Variants in VPS50 observed in about 807,000 individuals in gnomAD.
VPS50 encodes the protein syndetin.
In VPS50, 70 loss-of-function variants were observed where a neutral mutation model predicts 139.7. The ratio of observed to expected loss-of-function variants is 0.50; its 90% CI spans 0.41 to 0.61. VPS50 has a LOEUF of 0.61. Among genes scored for constraint, VPS50 ranks in the 20% least tolerant of loss-of-function variants. VPS50 has a pLI of 0.00. For missense variants in VPS50, 921 were observed against 1,133.7 expected (o/e 0.81, Z 2.69); for synonymous variants, 365 against 376.7 (o/e 0.97, Z 0.36).
intron 2 of VPS50, among the ~76,000 whole-genome samples, chr7:93,242,431 G>A (rs1301438897): frequency 6.6e-6 from 1 of 151,560 alleles, no homozygotes; most frequent in Non-Finnish European, 1.5e-5. Context: ...TTTAAAAATG[G>A]TATCATACTC....
intron 12 of VPS50, among the ~76,000 whole-genome samples, 172 bp from the exon 13 acceptor site, chr7:93,291,531 A>G (rs1307429414): frequency 1.3e-5 from 2 of 152,082 alleles, no homozygotes; most frequent in African/African-American, 2.4e-5. Flanking sequence ...TGAGATGGGA[A>G]TTATTTAAAA....
Position 93,296,780 on chromosome 7 carries a change from T to C in VPS50, c.1206T>C (p.Thr402=). Residue 402 remains threonine, a synonymous_variant, in exon 15 of 28, where the codon ACT becomes ACC. Transcript: ENST00000305866. ...AAGTAAAAACCTACTTGCTTGGAACTGATTTGTCTATATTCAAATATGATG... is the reference window on the plus strand; with the variant it reads ...AAGTAAAAACCTACTTGCTTGGAACCGATTTGTCTATATTCAAATATGATG... The part of the protein sequence containing the change: ...QLKVKTYLLG[T]DLSIFKYDDF... 6.2e-7 allele frequency: 1 copy of C among 1,606,002 alleles called. No individual in the cohort carries two copies. Among genetic ancestry groups the C allele is most frequent in the Admixed American group, 1.7e-5 (1 of 58,256 alleles).
rs996135818 is a variant in VPS50, at chr7:93,253,353, C to T, written c.226-507C>T. ...TGGTATGCATTTTTTGGTTAGTTTC[C>T]CATACTGTCCTCTGAAAGCTGATGT... On this transcript the variant is annotated intron_variant, in intron 3 of 27. Transcript: ENST00000305866. Among the ~76,000 whole-genome samples the T allele has an allele frequency of 3.9e-4, 59 of 152,098 alleles. 1 individual carries two copies. The highest frequency in any genetic ancestry group is 3.8e-3 in the Admixed American group (58 of 15,262).
intron 21 of VPS50, 31 bp from the exon 22 acceptor site, chr7:93,334,086 G>C (rs961545225): frequency 8.2e-7 from 1 of 1,216,000 alleles, no homozygotes; most frequent in South Asian, 1.3e-5. Context: ...ATGATCTTTA[G>C]AACGATATAA....
Position 93,311,155 on chromosome 7 carries a change from T to G in VPS50, c.1749-11T>G, listed in dbSNP as rs1375544561. 9.7e-7 allele frequency: 1 copy of G among 1,031,618 alleles called. No individual in the cohort carries two copies. Among genetic ancestry groups the G allele is most frequent in the Admixed American group, 1.7e-5 (1 of 59,104 alleles). The allele number at this position is 1,031,618 out of a possible 1,614,324, so 63.9% of individuals were successfully genotyped here. ...AACTCTAGCAACTCTGTTTTGTTTT[T>G]CCATATCAAGTGTTTCTCGGGAAAC... On this transcript the variant is annotated splice_polypyrimidine_tract_variant and intron_variant, in intron 19 of 27. Coordinates refer to ENST00000305866, the MANE Select transcript of VPS50 (RefSeq NM_017667.4).
intron 9 of VPS50, among the ~76,000 whole-genome samples, chr7:93,266,266 T>TA (rs1474866666): frequency 1.3e-5 from 2 of 152,204 alleles, no homozygotes; most frequent in Admixed American, 1.3e-4. Flanking sequence ...CAGCATATAA[T>TA]AGAATCATGA....
intron 12 of VPS50, among the ~76,000 whole-genome samples, chr7:93,287,009 T>TAAAA (rs1304107799): frequency 0.015 from 2,050 of 140,244 alleles, 46 homozygotes; most frequent in African/African-American, 0.05. Flanking sequence ...TTTTTTTTTT[T>TAAAA]AAAAAAAAAA....
intron 23 of VPS50, among the ~76,000 whole-genome samples, chr7:93,348,458 A>G (rs1230087672): frequency 1.3e-5 from 2 of 152,186 alleles, no homozygotes; most frequent in Non-Finnish European, 2.9e-5. Context: ...ACACCTCATC[A>G]TAAGCTGCTT....
chr7:93,242,932 A>G (rs1173267191), intron 2 of VPS50, among the ~76,000 whole-genome samples: 3 of 152,000 alleles, frequency 2.0e-5, no homozygotes, highest in Non-Finnish European at 2.9e-5. Flanking sequence ...AACTTGCTAG[A>G]AAAAGGAGGG....
At position 93,315,886 on chromosome 7, in the gene VPS50, G is replaced by A. The variant is rs539017226; in HGVS notation, c.1855+4614G>A. 2.0e-5 allele frequency among the ~76,000 whole-genome samples: 3 copies of A among 150,018 alleles called. 1 individual carries two copies. Among genetic ancestry groups the A allele is most frequent in the African/African-American group, 7.4e-5 (3 of 40,762 alleles). ...ACTTTGTTTCTGGCTAGCTGTTGGA[G>A]TTACAGTCATGAAGAAACCATAGTC... On this transcript the variant is annotated intron_variant, in intron 20 of 27. Coordinates refer to ENST00000305866, the MANE Select transcript of VPS50 (RefSeq NM_017667.4).
chr7:93,325,621 C>G (rs1797747340), intron 21 of VPS50, among the ~76,000 whole-genome samples: 1 of 152,048 alleles, frequency 6.6e-6, no homozygotes, highest in South Asian at 2.1e-4. Flanking sequence ...ACAACCCCAT[C>G]AAAAAGTGGG....
chr7:93,233,182 T>C (rs1266990655), intron 1 of VPS50, among the ~76,000 whole-genome samples: 1 of 152,232 alleles, frequency 6.6e-6, no homozygotes, highest in Non-Finnish European at 1.5e-5. Context: ...ACCTGTCTCA[T>C]AAATGTTAGG....
rs1795416827 is a variant in VPS50 at position 93,254,070 on chromosome 7, A to G, written c.297+139A>G. 8.2e-6 allele frequency: 4 copies of G among 486,492 alleles called. No individual in the cohort carries two copies. In the South Asian group the frequency reaches 1.8e-4, roughly 22 times the overall value. The allele number at this position is 486,492 out of a possible 1,614,324, so 30.1% of individuals were successfully genotyped here. ...CTTGTTATTTAACATGACTGATTCAAATGATGCATTTACATTAAAAATTTA... is the reference window on the plus strand; with the variant it reads ...CTTGTTATTTAACATGACTGATTCAGATGATGCATTTACATTAAAAATTTA... On this transcript the variant is annotated intron_variant, in intron 4 of 27. Transcript: ENST00000305866.
At chr7:93,284,190 GA>G (rs1194368790) in intron 12 of VPS50, among the ~76,000 whole-genome samples, 2 of 152,146 alleles carry the variant, frequency 1.3e-5, no homozygotes, top group Admixed American at 1.3e-4. Flanking sequence ...TTACTAGTGG[GA>G]AACCGTTTTT....
chr7:93,272,532 T>C (rs896541933), intron 10 of VPS50, 103 bp from the exon 11 acceptor site: 20 of 498,020 alleles, frequency 4.0e-5, no homozygotes, highest in African/African-American at 2.6e-4. Context: ...TAAATGTATT[T>C]AAATGTTAAC....
intron 9 of VPS50, among the ~76,000 whole-genome samples, chr7:93,266,814 CAGTT>C (rs1795857374): frequency 6.6e-6 from 1 of 152,128 alleles, no homozygotes; most frequent in Non-Finnish European, 1.5e-5. Flanking sequence ...AAAAGCTGTA[CAGTT>C]AATGTCCACT....
intron 9 of VPS50, among the ~76,000 whole-genome samples, chr7:93,261,635 G>A (rs150829237): frequency 0.046 from 6,318 of 136,272 alleles, 482 homozygotes; most frequent in African/African-American, 0.17. Context: ...CCGAGATTGC[G>A]CCACTGCACT....
At position 93,311,210 on chromosome 7, in the gene VPS50, G is replaced by A; in HGVS notation, c.1793G>A (p.Ser598Asn). The A allele has an allele frequency of 7.0e-7, 1 of 1,438,670 alleles. No homozygotes were observed. The highest frequency in any genetic ancestry group is 9.8e-7 in the Non-Finnish European group (1 of 1,020,556). The allele number at this position is 1,438,670 out of a possible 1,614,324, so 89.1% of individuals were successfully genotyped here. The change falls in exon 20 of 28, where the codon AGT becomes AAT. Residue 598 changes from serine (S) to asparagine (N), a missense_variant. By Grantham distance (46) the Ser-to-Asn change is conservative. Coordinates refer to ENST00000305866, the MANE Select transcript of VPS50 (RefSeq NM_017667.4). ...TLKSRKKSDY[S>N]LNKVNAPILT... ...AAAAGCAGGAAGAAATCAGATTACA[G>A]TCTAAATAAAGTGAATGCACCTATC...
intron 12 of VPS50, 85 bp downstream of exon 12, chr7:93,276,390 G>T: frequency 7.2e-7 from 1 of 1,389,594 alleles, no homozygotes; most frequent in Admixed American, 2.5e-5. Context: ...ATACCTATTT[G>T]AAAATGCTAC....
Sources: gnomAD v4.1 joint callset for allele counts (sites outside exome capture counted in the v4.1 genomes callset) on GRCh38, gnomAD v4.1.1 for gene constraint, MANE v1.5 for transcripts, NCBI Gene and HGNC (gene_info 2026-07-23, HGNC 2026-07-21) for gene names.